The following ANKRD11 variants were observed in gnomAD, a reference collection of about 807,000 sequenced individuals.
ANKRD11 encodes the protein ankyrin repeat domain 11.
A neutral mutation model predicts 195.7 loss-of-function variants in ANKRD11; 17 were observed. The ratio of observed to expected loss-of-function variants is 0.09; its 90% CI spans 0.06 to 0.13. ANKRD11 has a LOEUF of 0.13. Ranked by LOEUF, ANKRD11 falls within the 10% of genes least tolerant of loss-of-function variation. The pLI, the probability that ANKRD11 is intolerant of heterozygous loss-of-function variation, is 1.00. For missense variants in ANKRD11, 3,735 were observed against 3,566.1 expected (o/e 1.05, Z -1.21); for synonymous variants, 1,953 against 1,528.1 (o/e 1.28, Z -6.49).
chr16:89,439,105 A>G (rs2043338478), intron 1 of ANKRD11, among the ~76,000 whole-genome samples: 1 of 152,128 alleles, frequency 6.6e-6, no homozygotes, highest in African/African-American at 2.4e-5. Context: ...TAAACATCAC[A>G]ATGGGAAACT....
chr16:89,382,552 C>A (rs2040707728), intron 2 of ANKRD11, among the ~76,000 whole-genome samples: 1 of 151,888 alleles, frequency 6.6e-6, no homozygotes, highest in Admixed American at 6.6e-5. Context: ...GTCTCGAACT[C>A]CTGACCTCAA....
intron 2 of ANKRD11, among the ~76,000 whole-genome samples, chr16:89,326,199 G>A (rs978738548): frequency 6.6e-6 from 1 of 152,246 alleles, no homozygotes; most frequent in African/African-American, 2.4e-5. Context: ...GGCAGGGACG[G>A]CAGATGGAGG....
rs753900347 is a variant in ANKRD11, at chr16:89,280,057, G to A, written c.6485C>T (p.Pro2162Leu). ...GGCCCCTGGAGGCATCTCTTCTGGA[G>A]GAGCAAGACTTTCTTCCACGGGTTC... ...EAEPVEESLA[P>L]PEEMPPGAPG... The change falls in exon 9 of 13, where the codon CCT becomes CTT. Residue 2162 changes from proline to leucine, a missense_variant. Coordinates refer to ENST00000301030, the MANE Select transcript of ANKRD11 (RefSeq NM_013275.6). The A allele has an allele frequency of 1.9e-6, 3 of 1,613,000 alleles. No homozygotes were observed. The highest frequency in any genetic ancestry group is 2.5e-6 in the Non-Finnish European group (3 of 1,179,970).
intron 2 of ANKRD11, among the ~76,000 whole-genome samples, chr16:89,408,846 T>C (rs2042008946): frequency 6.6e-6 from 1 of 152,108 alleles, no homozygotes; most frequent in Non-Finnish European, 1.5e-5. Flanking sequence ...TTCTGGGATT[T>C]TGTAGGAAAA....
intron 7 of ANKRD11, chr16:89,288,169 C>G (rs1443065961): frequency 8.3e-6 from 5 of 603,964 alleles, no homozygotes; most frequent in Non-Finnish European, 1.2e-5. Flanking sequence ...GGTGGGTCTG[C>G]CTTGCAGGTC....
chr16:89,424,778 A>G (rs1402251882), intron 1 of ANKRD11, among the ~76,000 whole-genome samples: 1 of 152,148 alleles, frequency 6.6e-6, no homozygotes, highest in Non-Finnish European at 1.5e-5. Context: ...AAAAGGGCAA[A>G]GGGCCGATCC....
intron 3 of ANKRD11, among the ~76,000 whole-genome samples, chr16:89,312,980 T>A (rs576881242): frequency 6.7e-4 from 101 of 150,684 alleles, no homozygotes; most frequent in Admixed American, 1.1e-3. Context: ...ACTGGGGGGG[T>A]TTCTGCTGAG....
intron 3 of ANKRD11, among the ~76,000 whole-genome samples, chr16:89,315,161 C>T (rs1180294745): frequency 1.1e-4 from 17 of 152,204 alleles, no homozygotes; most frequent in Non-Finnish European, 1.5e-5. Context: ...TCAGTGGAGG[C>T]ATGGAGCATG....
Position 89,280,125 on chromosome 16 carries a change from C to T in ANKRD11, c.6417G>A (p.Pro2139=), listed in dbSNP as rs755356592. 1.1e-5 allele frequency: 17 copies of T among 1,612,110 alleles called. No homozygotes were observed. The African/African-American group carries it at 1.1e-4, about 10-fold the overall frequency. Residue 2139 remains proline (P), a synonymous_variant, in exon 9 of 13, where the codon CCG becomes CCA. Coordinates refer to ENST00000301030, the MANE Select transcript of ANKRD11 (RefSeq NM_013275.6). Reference sequence around the variant, plus strand: ...CATCTTTAGTCTGCAGGGGAAGCTCCGGCAGGGAGAAGGGCCCCAGGTCCA... The same window carrying T: ...CATCTTTAGTCTGCAGGGGAAGCTCTGGCAGGGAGAAGGGCCCCAGGTCCA... ...DDLDLGPFSL[P]ELPLQTKDAA...
chr16:89,361,848 A>C (rs1227205192), intron 2 of ANKRD11, among the ~76,000 whole-genome samples: 2 of 152,226 alleles, frequency 1.3e-5, no homozygotes, highest in Admixed American at 6.5e-5. Context: ...AACAAACAAA[A>C]AAAATCCGCA....
At chr16:89,339,175 C>T (rs552726662) in intron 2 of ANKRD11, among the ~76,000 whole-genome samples, 2 of 152,246 alleles carry the variant, frequency 1.3e-5, no homozygotes, top group African/African-American at 4.8e-5. Flanking sequence ...CTAGAAACTT[C>T]TTCCTGTGAT....
Position 89,283,429 on chromosome 16 carries a change from C to T in ANKRD11, c.3113G>A (p.Ser1038Asn), listed in dbSNP as rs1176445399. 1.2e-6 allele frequency: 2 copies of T among 1,614,132 alleles called. No individual in the cohort carries two copies. The highest frequency in any genetic ancestry group is 1.7e-6 in the Non-Finnish European group (2 of 1,180,044). ...YKEKSSDKDK[S>N]EKSILEKCQK... ...ACATTTTTCCAGGATTGATTTCTCA[C>T]TTTTGTCCTTGTCACTGGATTTCTC... The change falls in exon 9 of 13, where the codon AGT becomes AAT. Residue 1038 changes from serine (S) to asparagine (N), a missense_variant. Physicochemically the swap from Ser to Asn is conservative, Grantham distance 46. Transcript: ENST00000301030. The surrounding 1 kb of genome is among the most constrained non-coding windows in gnomAD (Gnocchi z 4.3).
intron 2 of ANKRD11, among the ~76,000 whole-genome samples, chr16:89,342,959 G>C (rs780998947): frequency 6.6e-6 from 1 of 152,154 alleles, no homozygotes; most frequent in Non-Finnish European, 1.5e-5. Context: ...TCATAATTCC[G>C]AATTTGGGAT....
intron 2 of ANKRD11, among the ~76,000 whole-genome samples, chr16:89,347,467 C>T (rs1220846466): frequency 6.6e-6 from 1 of 151,962 alleles, no homozygotes; most frequent in African/African-American, 2.4e-5. Flanking sequence ...AAAAATTAGC[C>T]GGGCGTGGTG....
chr16:89,285,270 C>G lies in ANKRD11; in HGVS notation c.1272G>C (p.Glu424Asp), dbSNP rs756738178. The part of the protein sequence containing the change: ...EDASVTVGTG[E>D]KLRLSAHTIL... ...TCGTATGTGCCGAGAGTCTCAGCTT[C>G]TCTCCTGTCCCCACGGTGACACTCG... Residue 424 changes from glutamate (E) to aspartate (D), a missense_variant, in exon 9 of 13, where the codon GAG becomes GAC. Coordinates refer to ENST00000301030, the MANE Select transcript of ANKRD11 (RefSeq NM_013275.6). This position sits in a 1 kb window ranked among gnomAD's most constrained non-coding sequence, Gnocchi z 5.6. 2.5e-6 allele frequency: 4 copies of G among 1,613,916 alleles called. No homozygotes were observed. The highest frequency in any genetic ancestry group is 1.7e-5 in the Admixed American group (1 of 60,020).
chr16:89,355,739 G>A (rs765843789), intron 2 of ANKRD11, among the ~76,000 whole-genome samples: 4 of 152,194 alleles, frequency 2.6e-5, no homozygotes, highest in African/African-American at 4.8e-5. Context: ...TCCACCCGTC[G>A]AGGGCAGGTC....
chr16:89,301,541 T>C (rs1432873741), intron 4 of ANKRD11: 6 of 398,518 alleles, frequency 1.5e-5, no homozygotes, highest in Admixed American at 4.4e-5. Flanking sequence ...GGCAGAGCTG[T>C]CTTGGGGCCG....
intron 7 of ANKRD11, 77 bp from the exon 8 acceptor site, chr16:89,286,263 CCCTT>C: frequency 6.3e-7 from 1 of 1,590,478 alleles, no homozygotes; most frequent in Middle Eastern, 2.1e-4. Context: ...ACACGGCAGC[CCCTT>C]CCGAGAACCC....
chr16:89,368,371 GTTTTTT>G lies in ANKRD11; in HGVS notation c.-60+49907_-60+49912del, dbSNP rs71134210. On this transcript the variant is annotated intron_variant, in intron 2 of 12. Transcript: ENST00000301030. ...GCTGCCGTGCCTGGCTAATTTTTGT[GTTTTTT>G]TTTTTTTTTTTTTTTTTTTTTTTTT... is the stretch of plus-strand genomic sequence containing the variant. Among the ~76,000 whole-genome samples, 187 of 56,572 alleles carry G rather than the reference GTTTTTT, an allele frequency of 3.3e-3. 1 individual carries two copies. The highest frequency in any genetic ancestry group is 8.8e-3 in the African/African-American group (182 of 20,696). 37.1% of individuals were successfully genotyped at this position (56,572 alleles called of 152,430 possible). A position where few individuals can be genotyped will look rare whatever the true frequency, so the allele number is the denominator to read the frequency against.
Sources: gnomAD v4.1 joint callset for allele counts (sites outside exome capture counted in the v4.1 genomes callset) on GRCh38, gnomAD v4.1.1 for gene constraint, Gnocchi (gnomAD v3.1) non-coding constraint, MANE v1.5 for transcripts, NCBI Gene and HGNC (gene_info 2026-07-23, HGNC 2026-07-21) for gene names.